Variants in ZNF567 observed in about 807,000 individuals in gnomAD.
ZNF567 encodes the protein zinc finger protein 567.
ZNF567 carries 36 observed loss-of-function variants against 53.9 expected under a neutral mutation model. The observed-to-expected ratio is 0.67, with a 90% CI of 0.51 to 0.88. The LOEUF is 0.88. ZNF567 is among the 40% of genes least tolerant of loss of function. The pLI is 0.00. For missense variants in ZNF567, 619 were observed against 764.7 expected (o/e 0.81, Z 2.25); for synonymous variants, 224 against 260.4 (o/e 0.86, Z 1.35).
downstream of ZNF567, among the ~76,000 whole-genome samples, chr19:36,723,703 G>T (rs1309696070): frequency 1.3e-5 from 2 of 151,962 alleles, no homozygotes; most frequent in African/African-American, 2.4e-5. Context: ...GTGTGGTGGC[G>T]CATTCCTGTA....
Position 36,719,813 on chromosome 19 carries a change from A to G in ZNF567, c.1089A>G (p.Lys363=). Residue 363 remains lysine, a synonymous_variant, in exon 6 of 6, where the codon AAA becomes AAG. Coordinates refer to ENST00000682579, the MANE Select transcript of ZNF567 (RefSeq NM_001322917.1). ...IRHQRTHTGE[K]PYECNDCGKS... Reference sequence around the variant, plus strand: ...ATCAGAGAACTCACACGGGAGAGAAACCATATGAGTGTAATGACTGTGGGA... The same window carrying G: ...ATCAGAGAACTCACACGGGAGAGAAGCCATATGAGTGTAATGACTGTGGGA... 1 of 1,614,164 alleles carries G rather than the reference A, an allele frequency of 6.2e-7. No homozygotes were observed. Among genetic ancestry groups the G allele is most frequent in the South Asian group, 1.1e-5 (1 of 91,088 alleles).
chr19:36,681,675 C>T, the ZNF567 span, among the ~76,000 whole-genome samples: 4 of 152,036 alleles, frequency 2.6e-5, no homozygotes, highest in African/African-American at 9.6e-5. Context: ...AGCGATTGGC[C>T]CACCTTGTCC....
At chr19:36,666,955 G>A in the ZNF567 span, 4 of 152,472 alleles carry the variant, frequency 2.6e-5, no homozygotes, top group African/African-American at 9.6e-5. Flanking sequence ...CGAGGCTGGA[G>A]TGACGCCAAC....
intron 3 of ZNF567, among the ~76,000 whole-genome samples, chr19:36,703,523 G>T (rs1388994019): frequency 6.6e-6 from 1 of 152,100 alleles, no homozygotes; most frequent in Non-Finnish European, 1.5e-5. Flanking sequence ...TCTGTGCCCT[G>T]CCCCCAGAGG....
Position 36,702,829 on chromosome 19 carries a change from A to C in ZNF567, c.9+7953A>C, listed in dbSNP as rs1244626950. ...GTTATTCTAGTTATACATTCATCTA[A>C]ATTTTTTTCAAAGTTTTCAACTTCT... is the stretch of plus-strand genomic sequence containing the variant. On this transcript the variant is annotated intron_variant, in intron 3 of 5. Coordinates refer to ENST00000682579, the MANE Select transcript of ZNF567 (RefSeq NM_001322917.1). Among the ~76,000 whole-genome samples the C allele has an allele frequency of 5.3e-5, 8 of 151,498 alleles. No individual in the cohort carries two copies. The East Asian group carries it at 1.2e-3, about 22-fold the overall frequency.
upstream of ZNF567, among the ~76,000 whole-genome samples, chr19:36,685,016 G>A (rs1269594071): frequency 6.6e-6 from 1 of 152,156 alleles, no homozygotes; most frequent in African/African-American, 2.4e-5. Context: ...GGCTGGCCGA[G>A]GTGGCTCATG....
chr19:36,719,536 A>G lies in ZNF567; in HGVS notation c.812A>G (p.His271Arg). 1.2e-6 allele frequency: 2 copies of G among 1,614,174 alleles called. No individual in the cohort carries two copies. Among genetic ancestry groups the G allele is most frequent in the Non-Finnish European group, 1.7e-6 (2 of 1,180,034 alleles). The change falls in exon 6 of 6, where the codon CAT becomes CGT. Residue 271 changes from histidine (H) to arginine (R), a missense_variant. Physicochemically the swap from His to Arg is conservative, Grantham distance 29 (BLOSUM62 0). Coordinates refer to ENST00000682579, the MANE Select transcript of ZNF567 (RefSeq NM_001322917.1). ...TGCAGGAAATCAGTATTGATTCTGCATCAGGGAATTCACTCAGAAGAAAAA... is the reference window on the plus strand; with the variant it reads ...TGCAGGAAATCAGTATTGATTCTGCGTCAGGGAATTCACTCAGAAGAAAAA... ...SFCRKSVLIL[H>R]QGIHSEEKPY...
chr19:36,723,032 C>T (rs2040317476), downstream of ZNF567, among the ~76,000 whole-genome samples: 1 of 151,954 alleles, frequency 6.6e-6, no homozygotes, highest in Non-Finnish European at 1.5e-5. Flanking sequence ...GTAACTAAAA[C>T]AGGTAATTAT....
chr19:36,726,920 T>C (rs749822421), downstream of ZNF567, among the ~76,000 whole-genome samples: 3 of 151,104 alleles, frequency 2.0e-5, no homozygotes, highest in Non-Finnish European at 4.4e-5. Flanking sequence ...CTACTCAGCC[T>C]TTGCAAGGTG....
chr19:36,678,230 T>A, the ZNF567 span, among the ~76,000 whole-genome samples: 7 of 152,166 alleles, frequency 4.6e-5, no homozygotes, highest in Admixed American at 6.6e-5. Context: ...CAGTGGCCAG[T>A]GGAGAGAACT....
chr19:36,670,386 A>AT, the ZNF567 span, among the ~76,000 whole-genome samples: 5 of 151,960 alleles, frequency 3.3e-5, no homozygotes, highest in African/African-American at 9.7e-5. Context: ...AAAAATAGTA[A>AT]TTTTTTTTAC....
intron 3 of ZNF567, among the ~76,000 whole-genome samples, chr19:36,708,704 CATT>C: frequency 6.6e-6 from 1 of 152,288 alleles, no homozygotes; most frequent in East Asian, 1.9e-4. Context: ...TGCAGAATGC[CATT>C]TGGTTAGAAT....
the ZNF567 span, among the ~76,000 whole-genome samples, chr19:36,673,165 G>A: frequency 1.3e-5 from 2 of 152,100 alleles, no homozygotes; most frequent in East Asian, 1.9e-4. Context: ...TCCTCTTCTG[G>A]GGAAGTGTTA....
At chr19:36,707,339 A>G (rs1038945258) in intron 3 of ZNF567, among the ~76,000 whole-genome samples, 1 of 152,082 alleles carries the variant, frequency 6.6e-6, no homozygotes, top group Non-Finnish European at 1.5e-5. Flanking sequence ...GTTTTATTGG[A>G]ACTCAGCCAA....
intron 3 of ZNF567, among the ~76,000 whole-genome samples, chr19:36,705,822 A>G (rs1005505970): frequency 6.6e-6 from 1 of 152,184 alleles, no homozygotes; most frequent in Non-Finnish European, 1.5e-5. Flanking sequence ...GGATTGTTGT[A>G]TCCTCTCATG....
rs1458172577 is a variant in ZNF567, at chr19:36,719,774, A to T, written c.1050A>T (p.Ser350=). Residue 350 remains serine, a synonymous_variant, in exon 6 of 6, where the codon TCA becomes TCT. Transcript: ENST00000682579. ...GTAGGAATGCCTTCAGATTGAAGTC[A>T]CACCTCATTCGTCATCAGAGAACTC... ...LQCRNAFRLK[S]HLIRHQRTHT... 1 of 1,614,070 alleles carries T rather than the reference A, an allele frequency of 6.2e-7. No individual in the cohort carries two copies. Among genetic ancestry groups the T allele is most frequent in the African/African-American group, 1.3e-5 (1 of 74,936 alleles).
chr19:36,675,747 G>A, the ZNF567 span, among the ~76,000 whole-genome samples: 2 of 152,168 alleles, frequency 1.3e-5, no homozygotes, highest in Non-Finnish European at 2.9e-5. Context: ...TACACAGGAG[G>A]CTGAGGCAGG....
chr19:36,679,005 G>A, the ZNF567 span, among the ~76,000 whole-genome samples: 5 of 152,126 alleles, frequency 3.3e-5, no homozygotes, highest in East Asian at 5.8e-4. Flanking sequence ...CACGATGAGG[G>A]GCCGAGCGCG....
upstream of ZNF567, among the ~76,000 whole-genome samples, chr19:36,683,943 A>G (rs1228749405): frequency 2.6e-5 from 4 of 152,332 alleles, no homozygotes; most frequent in African/African-American, 2.4e-5. Context: ...AATCAGGGCA[A>G]TTGATATAGA....
Sources: gnomAD v4.1 joint callset for allele counts (sites outside exome capture counted in the v4.1 genomes callset) on GRCh38, gnomAD v4.1.1 for gene constraint, MANE v1.5 for transcripts, NCBI Gene and HGNC (gene_info 2026-07-23, HGNC 2026-07-21) for gene names.